TNK2: variants seen among roughly 807,000 people sequenced by gnomAD.
TNK2 encodes the protein activated CDC42 kinase 1.
A neutral mutation model predicts 101.8 loss-of-function variants in TNK2; 83 were observed. The observed-to-expected ratio is 0.82, with a 90% confidence interval of 0.68 to 0.98. The LOEUF is 0.98. Among genes scored for constraint, TNK2 ranks in the 50% least tolerant of loss-of-function variants. TNK2 has a pLI of 0.00. For missense variants in TNK2, 1,665 were observed against 1,483.2 expected, an observed-to-expected ratio of 1.12 and a Z score of -2.01; for synonymous variants, 804 against 633.0, an observed-to-expected ratio of 1.27 and a Z score of -4.06.
Position 195,882,409 on chromosome 3 carries a change from C to G in TNK2, c.610-81G>C. 1 of 1,582,882 alleles carries G rather than the reference C, an allele frequency of 6.3e-7. No homozygotes were observed. ...CAGCCCACGCTGGGCCCCCAGTCCC[C>G]TTCCTGAAGGCTTTCCAGAGCCAGG... On this transcript the variant is annotated intron_variant, in intron 5 of 15. Coordinates refer to ENST00000672887, the MANE Select transcript of TNK2 (RefSeq NM_001382273.1). This position sits in a 1 kb window ranked among gnomAD's most constrained non-coding sequence, Gnocchi z 4.2.
chr3:195,885,291 A>G lies in TNK2; in HGVS notation c.235-258T>C. The G allele has an allele frequency of 7.8e-7, 1 of 1,278,276 alleles. No homozygotes were observed. 79.2% of individuals were successfully genotyped at this position (1,278,276 alleles called of 1,614,324 possible). On this transcript the variant is annotated intron_variant, in intron 3 of 15. Transcript: ENST00000672887. The surrounding 1 kb of genome is among the most constrained non-coding windows in gnomAD (Gnocchi z 4.7). The stretch of plus-strand genomic sequence containing the variant: ...CCGACAGGCATGCAGCCTGTGGCTG[A>G]GCGGCCCCACACCCAGCTGTGTGGA...
intron 1 of TNK2, chr3:195,894,846 A>G: frequency 5.9e-6 from 1 of 168,638 alleles, no homozygotes; most frequent in South Asian, 1.9e-4. Flanking sequence ...CCATCCATCA[A>G]CACCGTGACC....
chr3:195,874,019 A>T (rs1200410564), intron 9 of TNK2, among the ~76,000 whole-genome samples: 1 of 152,096 alleles, frequency 6.6e-6, no homozygotes, highest in Non-Finnish European at 1.5e-5. Context: ...GGCCACTCGA[A>T]GGAGCAGAGC....
At chr3:195,896,047 A>G (rs1195237344) in intron 1 of TNK2, 2 of 453,410 alleles carry the variant, frequency 4.4e-6, no homozygotes, top group South Asian at 3.1e-5. Flanking sequence ...CTGGGCACGC[A>G]CTGACCTCCT....
intron 1 of TNK2, among the ~76,000 whole-genome samples, chr3:195,904,837 G>A (rs967158129): frequency 6.6e-6 from 1 of 152,206 alleles, no homozygotes; most frequent in Non-Finnish European, 1.5e-5. Flanking sequence ...AAACACTGCT[G>A]AGAGATAGTA....
chr3:195,888,529 T>G lies in TNK2; in HGVS notation c.60A>C (p.Gln20His). The G allele has an allele frequency of 6.2e-7, 1 of 1,613,406 alleles. No homozygotes were observed. Among genetic ancestry groups the G allele is most frequent in the Non-Finnish European group, 8.5e-7 (1 of 1,179,964 alleles). The change falls in exon 2 of 16, where the codon CAA becomes CAC. Residue 20 changes from glutamine (Q) to histidine (H), a missense_variant. Transcript: ENST00000672887. The surrounding 1 kb of genome is among the most constrained non-coding windows in gnomAD (Gnocchi z 5.3). ...LLELLSEVQL[Q>H]QYFLRLRDDL... ...CATCTCGGAGCCGCAGGAAGTACTG[T>G]TGCAGCTGCACCTCGGACAGCAGCT...
At chr3:195,894,283 G>A (rs1231551910) in intron 1 of TNK2, 1 of 152,262 alleles carries the variant, frequency 6.6e-6, no homozygotes, top group Non-Finnish European at 1.5e-5. Flanking sequence ...CCAGAAATAT[G>A]TGTCTCAAAG....
chr3:195,878,288 G>A lies in TNK2; in HGVS notation c.1221C>T (p.Ile407=). Residue 407 remains isoleucine, a synonymous_variant, in exon 9 of 16, where the codon ATC becomes ATT. Transcript: ENST00000672887. This position sits in a 1 kb window ranked among gnomAD's most constrained non-coding sequence, Gnocchi z 4.7. ...TGACGGTGATGACATCATTCATCTG[G>A]ATGTGCAGCTTGTCCGGTTCCTCAA... The part of the protein sequence containing the change: ...QDFEEPDKLH[I]QMNDVITVIE... The A allele has an allele frequency of 6.2e-7, 1 of 1,614,000 alleles. No homozygotes were observed. Among genetic ancestry groups the A allele is most frequent in the Non-Finnish European group, 8.5e-7 (1 of 1,179,988 alleles).
intron 1 of TNK2, among the ~76,000 whole-genome samples, chr3:195,890,395 A>T (rs1353154949): frequency 6.6e-6 from 1 of 152,154 alleles, no homozygotes; most frequent in Non-Finnish European, 1.5e-5. Flanking sequence ...ATGATCATGC[A>T]AACCTAGAAT....
At chr3:195,869,413 G>A (rs1026619357) in intron 12 of TNK2, 84 bp downstream of exon 12, 18 of 591,850 alleles carry the variant, frequency 3.0e-5, no homozygotes, top group Non-Finnish European at 5.1e-5. Flanking sequence ...CGGCCCAGCC[G>A]CCCAGGCTCT....
At chr3:195,908,138 T>C (rs73087353) in intron 1 of TNK2, 10,832 of 153,646 alleles carry the variant, frequency 0.07, 1,028 homozygotes, top group African/African-American at 0.22. Flanking sequence ...GCAGAGCATA[T>C]AGCATGGAGG....
At chr3:195,884,752 AG>A in intron 4 of TNK2, 59 bp downstream of exon 4, 6 of 1,483,800 alleles carry the variant, frequency 4.0e-6, no homozygotes, top group Non-Finnish European at 5.5e-6. Context: ...GGGGCAGAAG[AG>A]CCACTACCAG....
intron 6 of TNK2, 167 bp from the exon 7 acceptor site, chr3:195,879,342 C>T (rs1304053164): frequency 1.7e-5 from 16 of 941,058 alleles, no homozygotes; most frequent in East Asian, 1.1e-4. Flanking sequence ...CTTGACGACA[C>T]GATGCAGGGA....
At chr3:195,884,737 G>T in intron 4 of TNK2, 75 bp downstream of exon 4, 1 of 1,407,650 alleles carries the variant, frequency 7.1e-7, no homozygotes, top group South Asian at 1.3e-5. Flanking sequence ...TCCACACCCT[G>T]GTTGGGGGCA....
At chr3:195,895,140 C>T (rs1223249225) in intron 1 of TNK2, 3 of 1,108,422 alleles carry the variant, frequency 2.7e-6, no homozygotes, top group Admixed American at 7.6e-5. Context: ...GGAGCAGACA[C>T]TCTCACTCCT....
intron 4 of TNK2, chr3:195,883,622 A>ATT: frequency 1.1e-4 from 26 of 226,228 alleles, no homozygotes; most frequent in South Asian, 2.1e-4. Flanking sequence ...ATAAAATGGA[A>ATT]TTTTTTTTTT....
rs553430752 is a variant in TNK2, at chr3:195,868,360, G to C, written c.1938C>G (p.Pro646=). The C allele has an allele frequency of 1.6e-5, 25 of 1,597,622 alleles. No individual in the cohort carries two copies. Among genetic ancestry groups the C allele is most frequent in the East Asian group, 2.2e-5 (1 of 44,798 alleles). The change falls in exon 13 of 16, where the codon CCC becomes CCG. Residue 646 remains proline, a synonymous_variant. Transcript: ENST00000672887. The part of the protein sequence containing the change: ...VVDWDARPLP[P]PPAYDDVAQD... ...GGGCCACGTCGTCATAGGCGGGCGG[G>C]GGGGGCAGCGGGCGTGCGTCCCAGT...
At chr3:195,905,003 G>A (rs1441280833) in intron 1 of TNK2, among the ~76,000 whole-genome samples, 1 of 152,124 alleles carries the variant, frequency 6.6e-6, no homozygotes, top group East Asian at 1.9e-4. Context: ...AAATGTATAT[G>A]GAAGTGCAAA....
intron 12 of TNK2, 55 bp downstream of exon 12, chr3:195,869,442 G>T: frequency 6.6e-7 from 1 of 1,526,516 alleles, no homozygotes; most frequent in Non-Finnish European, 8.9e-7. Flanking sequence ...CAGGAGAGGA[G>T]TGAGAGAGAG....
Sources: gnomAD v4.1 joint callset for allele counts (sites outside exome capture counted in the v4.1 genomes callset) on GRCh38, gnomAD v4.1.1 for gene constraint, Gnocchi (gnomAD v3.1) non-coding constraint, MANE v1.5 for transcripts, NCBI Gene and HGNC (gene_info 2026-07-23, HGNC 2026-07-21) for gene names.